Variants in PTPRR observed in about 807,000 individuals in gnomAD.
The protein encoded by PTPRR is protein tyrosine phosphatase receptor type R.
A neutral mutation model predicts 77.2 loss-of-function variants in PTPRR; 38 were observed. That is an observed-to-expected ratio of 0.49 (90% CI 0.38 to 0.65). The LOEUF is 0.65. Among genes scored for constraint, PTPRR ranks in the 30% least tolerant of loss-of-function variants. The pLI, the probability that PTPRR is intolerant of heterozygous loss-of-function variation, is 0.00. For synonymous variants in PTPRR, 299 were observed against 283.1 expected, an observed-to-expected ratio of 1.06 and a Z score of -0.57; for missense variants, 744 against 799.2, an observed-to-expected ratio of 0.93 and a Z score of 0.83.
chr12:70,669,088 G>C (rs1390003527), intron 10 of PTPRR, among the ~76,000 whole-genome samples: 1 of 152,120 alleles, frequency 6.6e-6, no homozygotes, highest in African/African-American at 2.4e-5. Flanking sequence ...ATGACATGGA[G>C]AATACTCATA....
At chr12:70,685,288 T>C (rs1259562768) in intron 8 of PTPRR, among the ~76,000 whole-genome samples, 3 of 151,970 alleles carry the variant, frequency 2.0e-5, no homozygotes, top group African/African-American at 7.3e-5. Flanking sequence ...ATCTATTACG[T>C]GCTATCTGTG....
rs116052840 is a variant in PTPRR, at chr12:70,788,705, C to T, written c.358-23927G>A. 9.3e-4 allele frequency: 734 copies of T among 791,626 alleles called. 7 individuals are homozygous for T. In the African/African-American group the frequency reaches 0.012, roughly 12 times the overall value. The allele number at this position is 791,626 out of a possible 1,614,324, so 49.0% of individuals were successfully genotyped here. On this transcript the variant is annotated intron_variant, in intron 2 of 13. Transcript: ENST00000283228. ...ATATCACATAAGTTCTATGCTGACT[C>T]ATTTTTCTACATTTACATGAACAGA...
chr12:70,643,185 G>A (rs1461593633), intron 13 of PTPRR, among the ~76,000 whole-genome samples: 2 of 152,246 alleles, frequency 1.3e-5, no homozygotes, highest in Non-Finnish European at 2.9e-5. Flanking sequence ...CCAGGCTGGA[G>A]TGTAGTCATG....
chr12:70,817,097 G>T (rs1489600327), intron 2 of PTPRR, among the ~76,000 whole-genome samples: 1 of 152,066 alleles, frequency 6.6e-6, no homozygotes, highest in East Asian at 1.9e-4. Context: ...ACTATTATGT[G>T]TTATACTTTT....
chr12:70,777,920 T>C (rs1159650383), intron 2 of PTPRR, among the ~76,000 whole-genome samples: 1 of 152,244 alleles, frequency 6.6e-6, no homozygotes. Flanking sequence ...AATGAATATA[T>C]GCTGAAACCA....
At chr12:70,842,291 T>C (rs1489327036) in intron 2 of PTPRR, among the ~76,000 whole-genome samples, 2 of 152,228 alleles carry the variant, frequency 1.3e-5, no homozygotes, top group Non-Finnish European at 1.5e-5. Context: ...GTTTGTTTAG[T>C]GACATCCCAA....
intron 2 of PTPRR, among the ~76,000 whole-genome samples, chr12:70,767,949 A>G (rs1315705064): frequency 2.0e-5 from 3 of 152,110 alleles, no homozygotes; most frequent in Non-Finnish European, 2.9e-5. Flanking sequence ...AGAAATAAAG[A>G]TGTTCTTTGA....
intron 12 of PTPRR, among the ~76,000 whole-genome samples, chr12:70,660,133 C>T (rs1391137514): frequency 3.3e-5 from 5 of 151,074 alleles, no homozygotes; most frequent in Non-Finnish European, 5.9e-5. Context: ...GCCGAGATAG[C>T]GCCACTGCAC....
chr12:70,760,634 A>G (rs976358667), intron 4 of PTPRR, among the ~76,000 whole-genome samples: 10 of 152,176 alleles, frequency 6.6e-5, no homozygotes, highest in Admixed American at 3.9e-4. Context: ...CCTCTATAAG[A>G]GAGAAAAAAA....
chr12:70,814,323 A>G (rs951188356), intron 2 of PTPRR, among the ~76,000 whole-genome samples: 6 of 151,974 alleles, frequency 3.9e-5, no homozygotes, highest in Non-Finnish European at 8.8e-5. Flanking sequence ...TGCCCTTAAG[A>G]TTGTGTGGGA....
chr12:70,793,971 A>G (rs939107494), intron 2 of PTPRR, among the ~76,000 whole-genome samples: 4 of 152,176 alleles, frequency 2.6e-5, no homozygotes, highest in African/African-American at 9.7e-5. Context: ...TCTTATTTTT[A>G]TCTTTTAATT....
intron 2 of PTPRR, among the ~76,000 whole-genome samples, chr12:70,775,081 A>C (rs1891060749): frequency 1.3e-5 from 2 of 152,256 alleles, no homozygotes; most frequent in Admixed American, 6.5e-5. Flanking sequence ...AAAGAGATTA[A>C]AATGTTCTTT....
chr12:70,685,123 C>T (rs1887813128), intron 8 of PTPRR, among the ~76,000 whole-genome samples: 1 of 152,200 alleles, frequency 6.6e-6, no homozygotes, highest in East Asian at 1.9e-4. Context: ...TCCCATCTCT[C>T]TCCTTTCCCT....
chr12:70,750,577 C>T (rs937722701), intron 5 of PTPRR, among the ~76,000 whole-genome samples: 5 of 152,154 alleles, frequency 3.3e-5, no homozygotes, highest in African/African-American at 1.2e-4. Flanking sequence ...ATCGCTTTGA[C>T]ATGTCCCTAA....
At chr12:70,758,489 G>A (rs902487634) in intron 4 of PTPRR, among the ~76,000 whole-genome samples, 4 of 152,086 alleles carry the variant, frequency 2.6e-5, no homozygotes, top group African/African-American at 7.3e-5. Flanking sequence ...AGGGAAGGCC[G>A]TTTACATGAT....
intron 6 of PTPRR, among the ~76,000 whole-genome samples, chr12:70,741,967 A>C (rs942429913): frequency 6.6e-6 from 1 of 152,200 alleles, no homozygotes; most frequent in Admixed American, 6.5e-5. Flanking sequence ...GGCATCTAAC[A>C]GTGGTTTGGA....
At position 70,851,005 on chromosome 12, in the gene PTPRR, A is replaced by G. The variant is rs114778121; in HGVS notation, c.357+41674T>C. ...ACTATGATTTCATAAATAAGCCAAC[A>G]TTTGTTGGGTATTCATTATATTTAG... On this transcript the variant is annotated intron_variant, in intron 2 of 13. Coordinates refer to ENST00000283228, the MANE Select transcript of PTPRR (RefSeq NM_002849.4). Among the ~76,000 whole-genome samples, 634 of 152,132 alleles carry G rather than the reference A, an allele frequency of 4.2e-3. 3 individuals carry two copies. The highest frequency in any genetic ancestry group is 0.014 in the African/African-American group (594 of 41,500).
intron 6 of PTPRR, among the ~76,000 whole-genome samples, chr12:70,702,054 C>T (rs749295128): frequency 5.3e-5 from 8 of 151,972 alleles, no homozygotes; most frequent in East Asian, 1.9e-4. Context: ...TGTATGCACG[C>T]ATATGTGAAT....
intron 2 of PTPRR, among the ~76,000 whole-genome samples, chr12:70,813,190 T>C (rs574242852): frequency 6.6e-6 from 1 of 152,342 alleles, no homozygotes; most frequent in Non-Finnish European, 1.5e-5. Context: ...TACATGGACA[T>C]TGGCTAAATG....
Sources: gnomAD v4.1 joint callset for allele counts (sites outside exome capture counted in the v4.1 genomes callset) on GRCh38, gnomAD v4.1.1 for gene constraint, MANE v1.5 for transcripts, NCBI Gene and HGNC (gene_info 2026-07-23, HGNC 2026-07-21) for gene names.